The following BAHCC1 variants were observed in gnomAD, a reference collection of about 807,000 sequenced individuals.
The protein encoded by BAHCC1 is BAH domain and coiled-coil containing 1, also known as BAH and coiled-coil domain-containing protein 1.
A neutral mutation model predicts 88.2 loss-of-function variants in BAHCC1; 43 were observed. The observed-to-expected ratio is 0.49, with a 90% CI of 0.38 to 0.63. BAHCC1 has a LOEUF of 0.63. Among genes scored for constraint, BAHCC1 ranks in the 20% least tolerant of loss-of-function variants. The pLI is 0.00. For synonymous variants in BAHCC1, 1,510 were observed against 745.5 expected (o/e 2.03, Z -16.71); for missense variants, 3,023 against 1,654.8 (o/e 1.83, Z -14.34).
In BAHCC1 at chr17:81,458,987, G is replaced by C. The variant is rs946506618; in HGVS notation, c.5605+18G>C. The C allele has an allele frequency of 5.6e-6, 4 of 712,002 alleles. No homozygotes were observed. In the African/African-American group the frequency reaches 7.3e-5, roughly 13 times the overall value. The allele number at this position is 712,002 out of a possible 1,614,324, so 44.1% of individuals were successfully genotyped here. A position where few individuals can be genotyped will look rare whatever the true frequency, so the allele number is the denominator to read the frequency against. ...CGCCCTAGGTGAGCAGGGCCAGGAA[G>C]GGTGCCAGCCGCCTGGGGAGGGGTG... is the stretch of plus-strand genomic sequence containing the variant. On this transcript the variant is annotated intron_variant, in intron 20 of 27. Transcript: ENST00000675386.
At chr17:81,406,660 CTGTT>C (rs1403799779) in intron 2 of BAHCC1, among the ~76,000 whole-genome samples, 1 of 152,246 alleles carries the variant, frequency 6.6e-6, no homozygotes, top group Non-Finnish European at 1.5e-5. Flanking sequence ...TGGGCTGCCC[CTGTT>C]TGTTGTAATC....
chr17:81,445,208 C>T lies in BAHCC1; in HGVS notation c.2835+30C>T, dbSNP rs782592322. 92 of 744,910 alleles carry T rather than the reference C, an allele frequency of 1.2e-4. 1 individual carries two copies. In the East Asian group the frequency reaches 2.1e-3, roughly 17 times the overall value. 46.1% of individuals were successfully genotyped at this position (744,910 alleles called of 1,614,324 possible). ...CGCCCCTAGCCACGCTCACCTGGGCCGGGCACTTCTCCCCAACCCTGCCTG... is the reference window on the plus strand; with the variant it reads ...CGCCCCTAGCCACGCTCACCTGGGCTGGGCACTTCTCCCCAACCCTGCCTG... On this transcript the variant is annotated intron_variant, in intron 9 of 27. Transcript: ENST00000675386.
chr17:81,453,328 T>G (rs1042502232), intron 14 of BAHCC1, among the ~76,000 whole-genome samples: 2 of 152,272 alleles, frequency 1.3e-5, no homozygotes, highest in Admixed American at 1.3e-4. Flanking sequence ...ATTGTCCTTC[T>G]CGGCTACAAA....
At chr17:81,405,626 G>A (rs1203751969) in intron 2 of BAHCC1, among the ~76,000 whole-genome samples, 20 of 152,174 alleles carry the variant, frequency 1.3e-4, no homozygotes, top group African/African-American at 4.8e-4. Context: ...GAATTCCCAA[G>A]CACAGATAGA....
intron 2 of BAHCC1, chr17:81,422,102 C>T (rs1269692346): frequency 4.4e-6 from 1 of 228,610 alleles, no homozygotes; most frequent in Non-Finnish European, 9.3e-6. Flanking sequence ...ACCCCTGCCT[C>T]CCAGATTCAA....
In BAHCC1 at chr17:81,411,514, GCCTTCCTTCCTTCCTTCCTT is replaced by G. The variant is rs781952131; in HGVS notation, c.178+11638_178+11657del. On this transcript the variant is annotated intron_variant, in intron 2 of 27. Coordinates refer to ENST00000675386, the MANE Select transcript of BAHCC1 (RefSeq NM_001377448.1). The surrounding 1 kb of genome is among the most constrained non-coding windows in gnomAD (Gnocchi z 6.2). ...TGCCTGCCTGCCTGCCTGCCTGCCT[GCCTTCCTTCCTTCCTTCCTT>G]CCTTCCTTCCTTCCTTCCTTCCTTC... 2.4e-3 allele frequency: 437 copies of G among 185,804 alleles called. 5 individuals are homozygous for G. Among genetic ancestry groups the G allele is most frequent in the African/African-American group, 0.019 (360 of 19,210 alleles). 11.5% of individuals were successfully genotyped at this position (185,804 alleles called of 1,614,324 possible). A position where few individuals can be genotyped will look rare whatever the true frequency, so the allele number is the denominator to read the frequency against.
intron 2 of BAHCC1, among the ~76,000 whole-genome samples, chr17:81,416,604 G>T (rs192074123): frequency 6.9e-6 from 1 of 145,040 alleles, no homozygotes; most frequent in Non-Finnish European, 1.5e-5. Context: ...GTGTATGCGC[G>T]TATGTACGTG....
intron 3 of BAHCC1, among the ~76,000 whole-genome samples, chr17:81,428,418 G>A (rs967075755): frequency 2.6e-5 from 4 of 152,180 alleles, no homozygotes; most frequent in Admixed American, 6.5e-5. Context: ...CACAACAGAC[G>A]CAACGGCCGC....
chr17:81,460,737 C>T (rs782576448), intron 25 of BAHCC1, 31 bp downstream of exon 25: 10 of 776,136 alleles, frequency 1.3e-5, no homozygotes, highest in Admixed American at 6.9e-5. Context: ...GAATCCGGAT[C>T]GGGGAAGGCA....
intron 3 of BAHCC1, among the ~76,000 whole-genome samples, chr17:81,429,706 G>A (rs2064238849): frequency 1.3e-5 from 2 of 152,216 alleles, no homozygotes; most frequent in South Asian, 4.1e-4. Flanking sequence ...CCTCCTAGTG[G>A]CCCAGGATGG....
chr17:81,400,471 C>T (rs1555645881), intron 2 of BAHCC1, among the ~76,000 whole-genome samples: 1 of 152,200 alleles, frequency 6.6e-6, no homozygotes, highest in African/African-American at 2.4e-5. Flanking sequence ...AATGGGTTTG[C>T]AGGGATGCAT....
At chr17:81,407,528 G>A (rs928700889) in intron 2 of BAHCC1, among the ~76,000 whole-genome samples, 2 of 152,242 alleles carry the variant, frequency 1.3e-5, no homozygotes, top group African/African-American at 4.8e-5. Context: ...AGAGATGGGG[G>A]ATGCCCAGAC....
chr17:81,400,100 T>C (rs1555645806), intron 2 of BAHCC1, among the ~76,000 whole-genome samples, 183 bp downstream of exon 2: 1 of 151,922 alleles, frequency 6.6e-6, no homozygotes, highest in East Asian at 2.0e-4. Context: ...TCGCCGCGGC[T>C]TAGAGAGGCC....
intron 1 of BAHCC1, among the ~76,000 whole-genome samples, chr17:81,397,525 T>A (rs1598442306): frequency 6.6e-6 from 1 of 152,142 alleles, no homozygotes; most frequent in East Asian, 1.9e-4. Context: ...CCTTTGAAGC[T>A]GCAGGTTTCT....
At chr17:81,457,759 GC>G (rs2064777419) in intron 17 of BAHCC1, among the ~76,000 whole-genome samples, 167 bp downstream of exon 17, 1 of 132,192 alleles carries the variant, frequency 7.6e-6, no homozygotes. Context: ...AGGAGGAAGG[GC>G]AGGGGTTGCT....
At chr17:81,406,253 G>C (rs1388706339) in intron 2 of BAHCC1, among the ~76,000 whole-genome samples, 1 of 152,098 alleles carries the variant, frequency 6.6e-6, no homozygotes, top group African/African-American at 2.4e-5. Flanking sequence ...TCCTTGAGGG[G>C]AGATGGCCTC....
At chr17:81,449,369 T>C (rs1241571744) in intron 11 of BAHCC1, among the ~76,000 whole-genome samples, 1 of 151,616 alleles carries the variant, frequency 6.6e-6, no homozygotes, top group African/African-American at 2.4e-5. Flanking sequence ...CCTACAAGTG[T>C]AGCGATCACT....
At position 81,442,153 on chromosome 17, in the gene BAHCC1, A is replaced by C. The variant is rs781802055; in HGVS notation, c.804A>C (p.Ala268=). The C allele has an allele frequency of 1.5e-6, 1 of 653,074 alleles. No individual in the cohort carries two copies. Among genetic ancestry groups the C allele is most frequent in the Non-Finnish European group, 2.8e-6 (1 of 361,264 alleles). 40.5% of individuals were successfully genotyped at this position (653,074 alleles called of 1,614,324 possible). The part of the protein sequence containing the change: ...ADGHCREGGP[A]PRGACEGRPK... ...GGCACTGCAGGGAGGGCGGCCCCGC[A>C]CCCCGAGGGGCCTGCGAGGGCCGCC... The change falls in exon 5 of 28, where the codon GCA becomes GCC. Residue 268 remains alanine (A), a synonymous_variant. Transcript: ENST00000675386.
intron 2 of BAHCC1, among the ~76,000 whole-genome samples, chr17:81,425,126 A>T (rs1162043555): frequency 5.8e-5 from 2 of 34,688 alleles, no homozygotes; most frequent in Admixed American, 3.8e-4. Flanking sequence ...TGGGGGTGAT[A>T]GTGGTGGGTG....
Sources: allele counts gnomAD v4.1 joint callset (sites outside exome capture counted in the v4.1 genomes callset), GRCh38; gene constraint gnomAD v4.1.1; non-coding constraint Gnocchi (gnomAD v3.1); transcripts MANE v1.5; gene names NCBI Gene and HGNC (gene_info 2026-07-23, HGNC 2026-07-21).